The following STK35 variants were observed in gnomAD, a reference collection of about 807,000 sequenced individuals.
STK35 encodes serine/threonine-protein kinase 35.
Under a neutral mutation model 37.3 loss-of-function variants are expected in STK35, and 17 were observed. The observed-to-expected ratio is 0.46, with a 90% CI of 0.31 to 0.68. STK35 has a LOEUF of 0.68. Ranked by LOEUF, STK35 falls within the 30% of genes least tolerant of loss-of-function variation. The pLI is 0.05. For missense variants in STK35, 595 were observed against 746.7 expected (o/e 0.80, Z 2.37); for synonymous variants, 385 against 319.1 (o/e 1.21, Z -2.20).
intron 3 of STK35, among the ~76,000 whole-genome samples, chr20:2,123,353 C>T (rs901402625): frequency 6.6e-6 from 1 of 152,196 alleles, no homozygotes; most frequent in Non-Finnish European, 1.5e-5. Context: ...GCATTTATCC[C>T]TGGCCTGGGG....
At chr20:2,124,964 A>G (rs1985879942) in intron 3 of STK35, among the ~76,000 whole-genome samples, 1 of 152,060 alleles carries the variant, frequency 6.6e-6, no homozygotes, top group South Asian at 2.1e-4. Context: ...CAGTTATGTA[A>G]TGGGGCCGAT....
At chr20:2,129,855 G>C (rs987454275) in intron 3 of STK35, among the ~76,000 whole-genome samples, 1 of 152,012 alleles carries the variant, frequency 6.6e-6, no homozygotes, top group African/African-American at 2.4e-5. Flanking sequence ...CAAGGTGTGG[G>C]AGGCCAGGAG....
At chr20:2,107,242 C>G (rs1006509982) in intron 2 of STK35, among the ~76,000 whole-genome samples, 1 of 152,246 alleles carries the variant, frequency 6.6e-6, no homozygotes, top group African/African-American at 2.4e-5. Context: ...ACTGATTCTT[C>G]TGACAAATAG....
rs1351303352 is a variant in STK35, at chr20:2,126,138, C to T, written c.*37+8723C>T. Among the ~76,000 whole-genome samples, 3 of 152,184 alleles carry T rather than the reference C, an allele frequency of 2.0e-5. No homozygotes were observed. In the East Asian group the frequency reaches 5.8e-4, roughly 29 times the overall value. ...GAATCCTGACTTAAGCAAGGGATTC[C>T]GTCACTCATGCTTACTCCAATTGAT... On this transcript the variant is annotated intron_variant, in intron 3 of 3. Transcript: ENST00000381482.
At chr20:2,132,532 G>C (rs1269210518) in intron 3 of STK35, among the ~76,000 whole-genome samples, 1 of 152,256 alleles carries the variant, frequency 6.6e-6, no homozygotes, top group Non-Finnish European at 1.5e-5. Context: ...GTGAGTGGGT[G>C]GTGGTGAGCA....
At chr20:2,110,157 T>G (rs1241235994) in intron 2 of STK35, among the ~76,000 whole-genome samples, 1 of 152,290 alleles carries the variant, frequency 6.6e-6, no homozygotes, top group Non-Finnish European at 1.5e-5. Context: ...TGTCTTTAGC[T>G]TCTTAGGACA....
chr20:2,113,773 T>C (rs1184975824), intron 2 of STK35, among the ~76,000 whole-genome samples: 1 of 152,214 alleles, frequency 6.6e-6, no homozygotes, highest in Non-Finnish European at 1.5e-5. Context: ...AGATCTTACA[T>C]TCTGCCAAAT....
chr20:2,119,726 G>C (rs1379342326), intron 3 of STK35, among the ~76,000 whole-genome samples: 2 of 152,234 alleles, frequency 1.3e-5, no homozygotes, highest in Non-Finnish European at 2.9e-5. Context: ...TTGATGAGGT[G>C]ATGGAGCTAG....
At position 2,145,041 on chromosome 20, in the gene STK35, G is replaced by A. The variant is rs2122596450; in HGVS notation, c.*1295G>A. The A allele has an allele frequency of 6.6e-6, 1 of 152,460 alleles. No homozygotes were observed. The highest frequency in any genetic ancestry group is 1.5e-5 in the Non-Finnish European group (1 of 68,140). The allele number at this position is 152,460 out of a possible 1,614,324, so 9.4% of individuals were successfully genotyped here. On this transcript the variant is annotated 3_prime_UTR_variant, in exon 4 of 4. Coordinates refer to ENST00000381482, the MANE Select transcript of STK35 (RefSeq NM_080836.4). ...CCCCTGCAGCGTTAGGGGCCCATTT[G>A]TGGGCTCGCCACCTTCAGGCTTCCC...
Position 2,103,151 on chromosome 20 carries a change from C to A in STK35, c.678C>A (p.Ala226=). ...VYEAVAGRSG[A]RVAVKKIRCD... Reference sequence around the variant, plus strand: ...AGGCAGTGGCCGGGCGCAGCGGGGCCCGGGTGGCGGTCAAGAAGATCCGCT... The same window carrying A: ...AGGCAGTGGCCGGGCGCAGCGGGGCACGGGTGGCGGTCAAGAAGATCCGCT... The change falls in exon 2 of 4, where the codon GCC becomes GCA. Residue 226 remains alanine (A), a synonymous_variant. Transcript: ENST00000381482. 1.2e-6 allele frequency: 2 copies of A among 1,606,022 alleles called. No individual in the cohort carries two copies. The highest frequency in any genetic ancestry group is 8.5e-7 in the Non-Finnish European group (1 of 1,179,186).
intron 3 of STK35, among the ~76,000 whole-genome samples, chr20:2,127,572 T>C (rs1985927823): frequency 6.6e-6 from 1 of 152,166 alleles, no homozygotes; most frequent in South Asian, 2.1e-4. Context: ...ACTTTAACTT[T>C]TAAAAATATT....
chr20:2,107,083 A>G (rs563052661), intron 2 of STK35, among the ~76,000 whole-genome samples: 1 of 152,374 alleles, frequency 6.6e-6, no homozygotes, highest in African/African-American at 2.4e-5. Flanking sequence ...TGAAGGCATC[A>G]ACAGTTTGCT....
At chr20:2,130,446 TG>T (rs1180834146) in intron 3 of STK35, among the ~76,000 whole-genome samples, 3 of 152,184 alleles carry the variant, frequency 2.0e-5, no homozygotes, top group Non-Finnish European at 4.4e-5. Context: ...GCTATAATTG[TG>T]TTTCAAGAAC....
chr20:2,128,257 A>G (rs1397462183), intron 3 of STK35, among the ~76,000 whole-genome samples: 2 of 152,182 alleles, frequency 1.3e-5, no homozygotes, highest in African/African-American at 4.8e-5. Context: ...GCCATCTTTT[A>G]GACATGCAGA....
chr20:2,136,512 T>C (rs1986089234), intron 3 of STK35, among the ~76,000 whole-genome samples: 1 of 152,240 alleles, frequency 6.6e-6, no homozygotes, highest in African/African-American at 2.4e-5. Flanking sequence ...TGTCCACACC[T>C]GGCTTGCCGG....
At chr20:2,104,593 T>TTTA (rs1985478701) in intron 2 of STK35, among the ~76,000 whole-genome samples, 1 of 148,918 alleles carries the variant, frequency 6.7e-6, no homozygotes, top group African/African-American at 2.6e-5. Context: ...AGGATGAACT[T>TTTA]TTTTAAGAGT....
At chr20:2,126,700 G>A (rs73577274) in intron 3 of STK35, among the ~76,000 whole-genome samples, 1,623 of 152,272 alleles carry the variant, frequency 0.011, 25 homozygotes, top group African/African-American at 0.034. Context: ...CTCCTCCAGC[G>A]TTTCTAGGAT....
chr20:2,139,832 TGA>T lies in STK35; in HGVS notation c.*38-3947_*38-3946del, dbSNP rs372587831. Among the ~76,000 whole-genome samples, 11 of 152,210 alleles carry T rather than the reference TGA, an allele frequency of 7.2e-5. No individual in the cohort carries two copies. The South Asian group carries it at 1.4e-3, about 20-fold the overall frequency. ...AGAGAAATAAGAAGGTGGGGTGCAC[TGA>T]GAGAACTTGGTCCAAGAGCTGAAAT... On this transcript the variant is annotated intron_variant, in intron 3 of 3. Coordinates refer to ENST00000381482, the MANE Select transcript of STK35 (RefSeq NM_080836.4).
chr20:2,122,465 T>C (rs1161465120), intron 3 of STK35, among the ~76,000 whole-genome samples: 1 of 152,178 alleles, frequency 6.6e-6, no homozygotes, highest in Non-Finnish European at 1.5e-5. Flanking sequence ...TAGTTTCAGT[T>C]TTTTTGCAAA....
Sources: allele counts gnomAD v4.1 joint callset (sites outside exome capture counted in the v4.1 genomes callset), GRCh38; gene constraint gnomAD v4.1.1; transcripts MANE v1.5; gene names NCBI Gene and HGNC (gene_info 2026-07-23, HGNC 2026-07-21).